Variants in CLDN18 observed in about 807,000 individuals in gnomAD.
The protein encoded by CLDN18 is claudin-18.
In CLDN18, 20 loss-of-function variants were observed where a neutral mutation model predicts 25.0. That is an observed-to-expected ratio of 0.80 (90% CI 0.56 to 1.16). The LOEUF is 1.16. CLDN18 is among the 50% of genes most tolerant of loss of function. The pLI is 0.00. For missense variants in CLDN18, 297 were observed against 345.4 expected (o/e 0.86, Z 1.11); for synonymous variants, 125 against 135.6 (o/e 0.92, Z 0.54).
intron 3 of CLDN18, among the ~76,000 whole-genome samples, chr3:138,028,732 A>AT (rs1445749167): frequency 6.6e-6 from 1 of 152,074 alleles, no homozygotes; most frequent in African/African-American, 2.4e-5. Context: ...GATCACAATT[A>AT]TTTTTTTCTC....
At chr3:138,029,487 A>C (rs910916608) in intron 3 of CLDN18, among the ~76,000 whole-genome samples, 4 of 152,194 alleles carry the variant, frequency 2.6e-5, no homozygotes, top group African/African-American at 9.6e-5. Flanking sequence ...CCTTCAAGAC[A>C]CTTTCTTTTG....
At chr3:138,018,000 A>G (rs971252119) in intron 1 of CLDN18, among the ~76,000 whole-genome samples, 3 of 152,196 alleles carry the variant, frequency 2.0e-5, no homozygotes, top group Non-Finnish European at 4.4e-5. Context: ...TGGCAGAGGC[A>G]GCTACCACAA....
chr3:138,022,536 GA>G (rs1220005920), intron 1 of CLDN18, among the ~76,000 whole-genome samples: 2 of 152,188 alleles, frequency 1.3e-5, no homozygotes, highest in Admixed American at 6.5e-5. Context: ...TAAGTAGTTT[GA>G]AAAGCACTGA....
In CLDN18 at chr3:138,033,085, T is replaced by C. The variant is rs1192115393; in HGVS notation, c.*1944T>C. The C allele has an allele frequency of 2.0e-5, 3 of 152,230 alleles. No individual in the cohort carries two copies. Among genetic ancestry groups the C allele is most frequent in the East Asian group, 3.8e-4 (2 of 5,202 alleles). 9.4% of individuals were successfully genotyped at this position (152,230 alleles called of 1,614,324 possible). A position where few individuals can be genotyped will look rare whatever the true frequency, so the allele number is the denominator to read the frequency against. On this transcript the variant is annotated 3_prime_UTR_variant, in exon 5 of 5. Coordinates refer to ENST00000183605, the MANE Select transcript of CLDN18 (RefSeq NM_016369.4). ...CATATGAAAGTGACCTCCAAGGGGATTGGTGAATACTCATAAGGATCTTCA... is the reference window on the plus strand; with the variant it reads ...CATATGAAAGTGACCTCCAAGGGGACTGGTGAATACTCATAAGGATCTTCA...
chr3:138,024,663 T>C lies in CLDN18; in HGVS notation c.442T>C (p.Trp148Arg). ...TGCCAACATGCTGGTGACTAACTTC[T>C]GGATGTCCACAGCTAACATGTACAC... ...VFANMLVTNF[W>R]MSTANMYTGM... The change falls in exon 3 of 5, where the codon TGG becomes CGG. Residue 148 changes from tryptophan (W) to arginine (R), a missense_variant. Coordinates refer to ENST00000183605, the MANE Select transcript of CLDN18 (RefSeq NM_016369.4). 1 of 1,614,044 alleles carries C rather than the reference T, an allele frequency of 6.2e-7. No homozygotes were observed. The highest frequency in any genetic ancestry group is 8.5e-7 in the Non-Finnish European group (1 of 1,179,884).
intron 1 of CLDN18, among the ~76,000 whole-genome samples, chr3:138,023,270 A>C (rs923286740): frequency 5.2e-5 from 8 of 152,382 alleles, no homozygotes; most frequent in Admixed American, 5.2e-4. Flanking sequence ...AGTCACAGCT[A>C]TAAGCTCTAT....
intron 1 of CLDN18, among the ~76,000 whole-genome samples, chr3:138,018,020 C>G (rs1318009048): frequency 6.6e-6 from 1 of 152,150 alleles, no homozygotes; most frequent in Non-Finnish European, 1.5e-5. Flanking sequence ...AAGCATCATG[C>G]CCTAGGATGG....
At chr3:138,023,577 T>C (rs958693403) in intron 1 of CLDN18, 81 bp from the exon 2 acceptor site, 276 of 1,445,458 alleles carry the variant, frequency 1.9e-4, no homozygotes, top group Non-Finnish European at 2.4e-4. Flanking sequence ...TGTGGTTGCT[T>C]TGTTTTATTA....
intron 1 of CLDN18, among the ~76,000 whole-genome samples, chr3:138,013,659 C>T (rs1410523436): frequency 6.6e-6 from 1 of 152,226 alleles, no homozygotes; most frequent in Non-Finnish European, 1.5e-5. Flanking sequence ...GTCTCTACCA[C>T]AGGGAGCATT....
chr3:138,010,099 G>A, upstream of CLDN18: 1 of 1,416,966 alleles, frequency 7.1e-7, no homozygotes, highest in Non-Finnish European at 9.3e-7. Context: ...AACACTGTGA[G>A]CAAATACTGA....
rs1942399735 is a variant in CLDN18 at position 138,031,810 on chromosome 3, A to C, written c.*669A>C. 6.6e-6 allele frequency: 1 copy of C among 152,198 alleles called. No individual in the cohort carries two copies. Among genetic ancestry groups the C allele is most frequent in the South Asian group, 2.1e-4 (1 of 4,820 alleles). 9.4% of individuals were successfully genotyped at this position (152,198 alleles called of 1,614,324 possible). A position where few individuals can be genotyped will look rare whatever the true frequency, so the allele number is the denominator to read the frequency against. ...ATTCTAGGAGTTTCCTGAGCTCTCC[A>C]CTGGAGTCCTCTTTCTGTCGCGGGT... On this transcript the variant is annotated 3_prime_UTR_variant, in exon 5 of 5. Coordinates refer to ENST00000183605, the MANE Select transcript of CLDN18 (RefSeq NM_016369.4).
At chr3:138,010,141 TC>T, upstream of CLDN18, 7 of 1,515,644 alleles carry the variant, frequency 4.6e-6, no homozygotes, top group Admixed American at 2.0e-5. Context: ...TTAGAAGAGC[TC>T]CCCTCAGGAG....
At chr3:137,999,019 C>G in exon 1 of CLDN18, 1 of 1,614,162 alleles carries the variant, frequency 6.2e-7, no homozygotes. Flanking sequence ...GGGGCTGTGG[C>G]GCTCCTGTGT....
chr3:138,000,531 TTTGGTTGG>T (rs953082345), intron 1 of CLDN18, among the ~76,000 whole-genome samples: 11 of 151,430 alleles, frequency 7.3e-5, no homozygotes, highest in Admixed American at 2.0e-4. Context: ...AGGTTGGTTG[TTTGGTTGG>T]TTGGTTGGTT....
chr3:138,016,011 C>G (rs1024458837), intron 1 of CLDN18, among the ~76,000 whole-genome samples: 2 of 152,148 alleles, frequency 1.3e-5, no homozygotes, highest in Non-Finnish European at 2.9e-5. Flanking sequence ...AAGATTCAAT[C>G]TCATTGTATT....
chr3:138,018,335 CTT>C (rs1219927158), intron 1 of CLDN18, among the ~76,000 whole-genome samples: 20 of 129,702 alleles, frequency 1.5e-4, no homozygotes, highest in East Asian at 2.1e-4. Flanking sequence ...CCCTCAAGGC[CTT>C]TTTTTTTTTT....
intron 1 of CLDN18, among the ~76,000 whole-genome samples, chr3:137,999,384 C>T (rs1467521511): frequency 6.6e-6 from 1 of 152,172 alleles, no homozygotes; most frequent in Non-Finnish European, 1.5e-5. Context: ...CTCAATCACC[C>T]ATAGGAACAG....
upstream of CLDN18, among the ~76,000 whole-genome samples, chr3:138,005,385 C>T (rs1942058836): frequency 1.3e-5 from 2 of 152,090 alleles, no homozygotes; most frequent in South Asian, 4.1e-4. Flanking sequence ...TATCCCTCCC[C>T]GTGCCACCCA....
At chr3:138,002,123 G>T (rs1222094453) in intron 1 of CLDN18, among the ~76,000 whole-genome samples, 1 of 152,098 alleles carries the variant, frequency 6.6e-6, no homozygotes, top group Non-Finnish European at 1.5e-5. Context: ...AGGTAATCAT[G>T]CCTCACACTT....
Sources: allele counts gnomAD v4.1 joint callset (sites outside exome capture counted in the v4.1 genomes callset), GRCh38; gene constraint gnomAD v4.1.1; transcripts MANE v1.5; gene names NCBI Gene and HGNC (gene_info 2026-07-23, HGNC 2026-07-21).